LVRN: variants seen among roughly 807,000 people sequenced by gnomAD.
LVRN encodes the protein laeverin.
In LVRN, 99 loss-of-function variants were observed where a neutral mutation model predicts 111.4. That is an observed-to-expected ratio of 0.89 (90% CI 0.76 to 1.05). The LOEUF (loss-of-function observed/expected upper bound fraction) is 1.05, where lower values mean the gene tolerates loss of function less well. Among genes scored for constraint, LVRN ranks in the 50% least tolerant of loss-of-function variants. LVRN has a pLI of 0.00. For missense variants in LVRN, 1,414 were observed against 1,206.8 expected (o/e 1.17, Z -2.54); for synonymous variants, 488 against 449.5 (o/e 1.09, Z -1.08).
rs777176765 is a variant in LVRN, at chr5:116,010,903, AT to A, written c.2247+11del. ...TATACTCATTATTAAAGGTAATTTCATTCTTTCTTATGTAGTTTTTAAATAA... is the reference window on the plus strand; with the variant it reads ...TATACTCATTATTAAAGGTAATTTCATCTTTCTTATGTAGTTTTTAAATAA... On this transcript the variant is annotated intron_variant, in intron 14 of 19. Transcript: ENST00000357872. 15 of 1,539,914 alleles carry A rather than the reference AT, an allele frequency of 9.7e-6. No individual in the cohort carries two copies. Among genetic ancestry groups the A allele is most frequent in the Non-Finnish European group, 1.3e-5 (15 of 1,146,526 alleles).
At chr5:115,966,361 A>G (rs1488162467) in intron 1 of LVRN, among the ~76,000 whole-genome samples, 2 of 152,198 alleles carry the variant, frequency 1.3e-5, no homozygotes, top group Non-Finnish European at 2.9e-5. Flanking sequence ...CGATCCATCC[A>G]AGTATGCATC....
chr5:116,014,509 T>C lies in LVRN; in HGVS notation c.2432T>C (p.Val811Ala), dbSNP rs1344970076. 1.2e-6 allele frequency: 2 copies of C among 1,613,262 alleles called. No homozygotes were observed. The highest frequency in any genetic ancestry group is 2.2e-5 in the East Asian group (1 of 44,862). The change falls in exon 16 of 20, where the codon GTG becomes GCG. Residue 811 changes from valine to alanine, a missense_variant. By Grantham distance (64) the Val-to-Ala change is moderately conservative. Coordinates refer to ENST00000357872, the MANE Select transcript of LVRN (RefSeq NM_173800.5). Reference protein sequence around the residue: ...QLSKELFAKWVDHPENEIPYP... With the variant: ...QLSKELFAKWADHPENEIPYP... ...TCAAAAGAACTTTTCGCAAAATGGGTGGATCATCCAGAAAATGAGTAAGAG... is the reference window on the plus strand; with the variant it reads ...TCAAAAGAACTTTTCGCAAAATGGGCGGATCATCCAGAAAATGAGTAAGAG...
At chr5:116,007,636 G>A (rs1489764853) in intron 13 of LVRN, among the ~76,000 whole-genome samples, 1 of 152,098 alleles carries the variant, frequency 6.6e-6, no homozygotes, top group African/African-American at 2.4e-5. Context: ...GCTCCTCAAT[G>A]GTAGGCAAGT....
chr5:116,004,209 C>T (rs2112610716), intron 12 of LVRN, among the ~76,000 whole-genome samples: 1 of 152,286 alleles, frequency 6.6e-6, no homozygotes, highest in South Asian at 2.1e-4. Flanking sequence ...CATCAATAGT[C>T]CAATATCACT....
rs1280159962 is a variant in LVRN, at chr5:116,000,152, CT to C, written c.1515+254del. Among the ~76,000 whole-genome samples, 9 of 152,246 alleles carry C rather than the reference CT, an allele frequency of 5.9e-5. No individual in the cohort carries two copies. In the South Asian group the frequency reaches 8.3e-4, roughly 14 times the overall value. On this transcript the variant is annotated intron_variant, in intron 7 of 19. Transcript: ENST00000357872. ...CAACTTGCTACTTTTAAGGTGAACC[CT>C]TTTGCTTGGTGGAAATTTATTCTTG...
chr5:115,986,016 A>C lies in LVRN; in HGVS notation c.978+1307A>C, dbSNP rs148727655. Among the ~76,000 whole-genome samples, 615 of 152,336 alleles carry C rather than the reference A, an allele frequency of 4.0e-3. 2 individuals carry two copies. The highest frequency in any genetic ancestry group is 6.8e-3 in the Middle Eastern group (2 of 294). ...CCCCTCATCAGGGGAGAATTACTCAAAGCTACTCCTCCTTTACAACTCCTA... is the reference window on the plus strand; with the variant it reads ...CCCCTCATCAGGGGAGAATTACTCACAGCTACTCCTCCTTTACAACTCCTA... On this transcript the variant is annotated intron_variant, in intron 3 of 19. Transcript: ENST00000357872.
At chr5:116,012,238 A>G in intron 14 of LVRN, 136 bp from the exon 15 acceptor site, 1 of 582,788 alleles carries the variant, frequency 1.7e-6, no homozygotes. Flanking sequence ...TATATTTAGT[A>G]ACAGATAAAG....
intron 10 of LVRN, among the ~76,000 whole-genome samples, chr5:116,001,643 A>G (rs948820487): frequency 1.3e-5 from 2 of 152,180 alleles, no homozygotes; most frequent in Non-Finnish European, 2.9e-5. Flanking sequence ...ATGAAACTGA[A>G]TGGTAACTAT....
At chr5:115,990,501 AT>A (rs1747962480) in intron 4 of LVRN, among the ~76,000 whole-genome samples, 1 of 152,040 alleles carries the variant, frequency 6.6e-6, no homozygotes, top group African/African-American at 2.4e-5. Flanking sequence ...TGCTTTAAAT[AT>A]TTTTCCCTAG....
intron 1 of LVRN, among the ~76,000 whole-genome samples, chr5:115,973,525 C>G (rs6866413): frequency 6.6e-6 from 1 of 151,886 alleles, no homozygotes; most frequent in African/African-American, 2.4e-5. Context: ...CCATGAGGCT[C>G]TCTGGGCCTA....
intron 4 of LVRN, among the ~76,000 whole-genome samples, chr5:115,989,063 A>G (rs1747928197): frequency 6.6e-6 from 1 of 151,780 alleles, no homozygotes; most frequent in African/African-American, 2.4e-5. Flanking sequence ...TTTCATCATC[A>G]TCTCCACCAC....
At chr5:115,991,781 G>A (rs35479006) in intron 4 of LVRN, among the ~76,000 whole-genome samples, 36,788 of 152,114 alleles carry the variant, frequency 0.24, 4,752 homozygotes, top group Non-Finnish European at 0.27. Flanking sequence ...CTTTTCATAT[G>A]TGTATTTGCC....
In LVRN at chr5:116,026,166, G is replaced by A. The variant is rs1264878502; in HGVS notation, c.*48G>A. 2 of 1,609,388 alleles carry A rather than the reference G, an allele frequency of 1.2e-6. No individual in the cohort carries two copies. The highest frequency in any genetic ancestry group is 1.7e-6 in the Non-Finnish European group (2 of 1,178,186). On this transcript the variant is annotated 3_prime_UTR_variant, in exon 20 of 20. Transcript: ENST00000357872. ...CCTCTTGCATATTATAATGTAGTTTGTTCACAGTTTTGTCTTCCAATACTT... is the reference window on the plus strand; with the variant it reads ...CCTCTTGCATATTATAATGTAGTTTATTCACAGTTTTGTCTTCCAATACTT...
At chr5:115,983,450 A>G (rs560598733) in intron 2 of LVRN, 21 bp downstream of exon 2, 1 of 1,578,444 alleles carries the variant, frequency 6.3e-7, no homozygotes, top group Admixed American at 1.9e-5. Context: ...CTTTCTGTCT[A>G]TATCTAGCTG....
At chr5:115,988,036 CA>C in intron 4 of LVRN, 97 bp downstream of exon 4, 1 of 1,465,760 alleles carries the variant, frequency 6.8e-7, no homozygotes, top group South Asian at 1.4e-5. Flanking sequence ...AAGGATTCAC[CA>C]TCACCATTTA....
At chr5:115,972,768 C>T (rs951806256) in intron 1 of LVRN, among the ~76,000 whole-genome samples, 19 of 151,786 alleles carry the variant, frequency 1.3e-4, no homozygotes, top group African/African-American at 3.1e-4. Context: ...AGGTTGAAAA[C>T]GTTTCCTTTT....
At chr5:115,991,613 T>A (rs1303061652) in intron 4 of LVRN, among the ~76,000 whole-genome samples, 2 of 152,228 alleles carry the variant, frequency 1.3e-5, no homozygotes, top group Non-Finnish European at 1.5e-5. Context: ...TGTACCATTT[T>A]GCATCCCCAC....
rs1367695216 is a variant in LVRN, at chr5:115,963,264, T to G, written c.647T>G (p.Leu216Arg). ...LSFSGLVKED[L>R]REGLFLNVYT... ...TTCTCGGGCCTGGTGAAGGAAGACC[T>G]CAGGGAGGGACTCTTCCTCAACGTC... The change falls in exon 1 of 20, where the codon CTC (leucine) becomes CGC (arginine). Residue 216 changes from leucine (L) to arginine (R), a missense_variant. Leu to Arg is a moderately radical substitution (Grantham distance 102, BLOSUM62 -2). Coordinates refer to ENST00000357872, the MANE Select transcript of LVRN (RefSeq NM_173800.5). 1 of 1,612,620 alleles carries G rather than the reference T, an allele frequency of 6.2e-7. No individual in the cohort carries two copies. Among genetic ancestry groups the G allele is most frequent in the South Asian group, 1.1e-5 (1 of 90,892 alleles).
At chr5:116,013,501 G>A (rs200140546) in intron 15 of LVRN, among the ~76,000 whole-genome samples, 2 of 152,288 alleles carry the variant, frequency 1.3e-5, no homozygotes, top group East Asian at 3.9e-4. Flanking sequence ...GAGTTAGACT[G>A]CACTTCCACA....
Sources: allele counts gnomAD v4.1 joint callset (sites outside exome capture counted in the v4.1 genomes callset), GRCh38; gene constraint gnomAD v4.1.1; transcripts MANE v1.5; gene names NCBI Gene and HGNC (gene_info 2026-07-23, HGNC 2026-07-21).